Variants in R3HDM2 observed in about 807,000 individuals in gnomAD.
R3HDM2 encodes the protein R3H domain containing 2.
R3HDM2 carries 38 observed loss-of-function variants against 124.5 expected under a neutral mutation model. The observed-to-expected ratio is 0.31, with a 90% CI of 0.24 to 0.40. R3HDM2 has a LOEUF of 0.40. Ranked by LOEUF, R3HDM2 falls within the 10% of genes least tolerant of loss-of-function variation. The probability of loss-of-function intolerance (pLI) is 1.00; values close to 1 mark genes in which losing one functional copy is unlikely to be tolerated. For synonymous variants in R3HDM2, 391 were observed against 448.0 expected (o/e 0.87, Z 1.61); for missense variants, 869 against 1,236.9 (o/e 0.70, Z 4.46).
intron 15 of R3HDM2, 84 bp from the exon 16 acceptor site, chr12:57,269,533 G>T (rs1325922323): frequency 6.5e-7 from 1 of 1,541,684 alleles, no homozygotes; most frequent in Non-Finnish European, 8.8e-7. Context: ...CCTCAAGATT[G>T]ATGGCCAGAA....
intron 2 of R3HDM2, among the ~76,000 whole-genome samples, chr12:57,381,468 C>A (rs1221905481): frequency 6.7e-6 from 1 of 149,292 alleles, no homozygotes; most frequent in Non-Finnish European, 1.5e-5. Flanking sequence ...TCTCTTGAAT[C>A]CAGGAGGCGG....
At chr12:57,389,204 C>T (rs1211980567) in intron 2 of R3HDM2, among the ~76,000 whole-genome samples, 4 of 152,180 alleles carry the variant, frequency 2.6e-5, no homozygotes, top group East Asian at 3.8e-4. Context: ...AAGAGACATT[C>T]GTTCATGCAG....
intron 8 of R3HDM2, 85 bp downstream of exon 8, chr12:57,297,243 G>C: frequency 1.4e-6 from 1 of 715,390 alleles, no homozygotes; most frequent in Non-Finnish European, 2.4e-6. Flanking sequence ...CACACTTCAA[G>C]GGGAACATCT....
rs550732747 is a variant in R3HDM2, at chr12:57,264,241, C to CAA, written c.2131+2488_2131+2489dup. The stretch of plus-strand genomic sequence containing the variant: ...TGGGCGACAGAGAGAGACTCTGTCT[C>CAA]AAAAAAAAAAAAAAAGACTTCCTTC... On this transcript the variant is annotated intron_variant, in intron 19 of 23. Coordinates refer to ENST00000402412, the MANE Select transcript of R3HDM2 (RefSeq NM_001394031.1). Among the ~76,000 whole-genome samples the CAA allele has an allele frequency of 3.1e-3, 334 of 107,670 alleles. 4 individuals carry two copies. Among genetic ancestry groups the CAA allele is most frequent in the African/African-American group, 7.1e-3 (193 of 27,070 alleles). The allele number at this position is 107,670 out of a possible 152,430, so 70.6% of individuals were successfully genotyped here.
intron 2 of R3HDM2, among the ~76,000 whole-genome samples, chr12:57,353,849 G>GT (rs372758356): frequency 3.7e-4 from 56 of 151,854 alleles, no homozygotes; most frequent in South Asian, 2.1e-4. Context: ...GTAAAAATAT[G>GT]TTTTTTTTAT....
intron 1 of R3HDM2, among the ~76,000 whole-genome samples, chr12:57,418,560 T>A (rs151046230): frequency 0.012 from 1,819 of 151,884 alleles, 34 homozygotes; most frequent in African/African-American, 0.041. Flanking sequence ...GACTTTGATA[T>A]CTTCTTTTTT....
chr12:57,427,602 G>A (rs1868271902), intron 1 of R3HDM2, among the ~76,000 whole-genome samples: 1 of 151,768 alleles, frequency 6.6e-6, no homozygotes, highest in African/African-American at 2.4e-5. Context: ...CCCCGTCCTT[G>A]GCCTCCCAAA....
intron 2 of R3HDM2, 59 bp downstream of exon 2, chr12:57,395,690 G>T: frequency 1.5e-6 from 1 of 679,574 alleles, no homozygotes; most frequent in Non-Finnish European, 1.8e-6. Context: ...GAGAACAGAT[G>T]TATAACAATT....
At chr12:57,281,054 G>A (rs566481909) in intron 13 of R3HDM2, among the ~76,000 whole-genome samples, 4 of 152,168 alleles carry the variant, frequency 2.6e-5, no homozygotes, top group East Asian at 3.9e-4. Flanking sequence ...AGGCTGAGGC[G>A]GGTGGATCAC....
chr12:57,300,151 G>T lies in R3HDM2; in HGVS notation c.238C>A (p.Leu80Met). 1 of 1,551,526 alleles carries T rather than the reference G, an allele frequency of 6.4e-7. No homozygotes were observed. Among genetic ancestry groups the T allele is most frequent in the Non-Finnish European group, 8.7e-7 (1 of 1,146,916 alleles). ...SNSKLKLVRS[L>M]AVCEESSTPF... The stretch of plus-strand genomic sequence containing the variant: ...GTGGAGGACTCCTCACACACTGCCA[G>T]GCTACGCACCAACTTTAGCTTGGAA... Residue 80 changes from leucine to methionine, a missense_variant, in exon 5 of 24, where the codon CTG becomes ATG. Leu to Met is a conservative substitution (Grantham distance 15). Around this residue, in one of 2 missense-constraint regions of R3HDM2, gnomAD observed 267 missense variants for 447.7 expected, o/e 0.60. Coordinates refer to ENST00000402412, the MANE Select transcript of R3HDM2 (RefSeq NM_001394031.1).
intron 4 of R3HDM2, among the ~76,000 whole-genome samples, chr12:57,302,196 A>G (rs937201292): frequency 1.3e-5 from 2 of 151,684 alleles, no homozygotes; most frequent in Admixed American, 1.3e-4. Context: ...CATGAGAATC[A>G]CTTGAACACG....
intron 2 of R3HDM2, among the ~76,000 whole-genome samples, chr12:57,370,231 G>A (rs1482255814): frequency 6.6e-6 from 1 of 152,104 alleles, no homozygotes; most frequent in Non-Finnish European, 1.5e-5. Context: ...ATAAGCGTCT[G>A]GAATTTCCCC....
chr12:57,259,744 C>A (rs1285803406), intron 19 of R3HDM2, among the ~76,000 whole-genome samples: 1 of 152,134 alleles, frequency 6.6e-6, no homozygotes, highest in African/African-American at 2.4e-5. Context: ...ATGTTGGGCA[C>A]TGAGTGTACA....
chr12:57,360,043 ATATATTTT>A (rs1566328669), intron 2 of R3HDM2, among the ~76,000 whole-genome samples: 2 of 80,504 alleles, frequency 2.5e-5, no homozygotes, highest in East Asian at 3.0e-4. Context: ...ATATATATAT[ATATATTTT>A]TTTTTTTTTT....
chr12:57,261,768 A>AC (rs1306258767), intron 19 of R3HDM2, among the ~76,000 whole-genome samples: 4 of 151,416 alleles, frequency 2.6e-5, no homozygotes, highest in Non-Finnish European at 5.9e-5. Flanking sequence ...AAAAAAAAAA[A>AC]AAAAAAAAAA....
At chr12:57,365,992 G>A (rs527741832) in intron 2 of R3HDM2, among the ~76,000 whole-genome samples, 43 of 151,276 alleles carry the variant, frequency 2.8e-4, no homozygotes, top group Non-Finnish European at 5.3e-4. Context: ...GAGTTTTCCA[G>A]ATCTGTGGGA....
chr12:57,260,431 T>C (rs568278255), intron 19 of R3HDM2, among the ~76,000 whole-genome samples: 2 of 151,910 alleles, frequency 1.3e-5, no homozygotes, highest in South Asian at 2.1e-4. Flanking sequence ...CAACCATGGA[T>C]AGACTCATCC....
chr12:57,430,682 C>T (rs989211433), intron 1 of R3HDM2, 38 bp downstream of exon 1: 2 of 722,944 alleles, frequency 2.8e-6, no homozygotes, highest in African/African-American at 3.9e-5. Context: ...CACAGGCCGT[C>T]CGGGCCGCCC....
At chr12:57,272,326 A>G in intron 14 of R3HDM2, 1 of 791,816 alleles carries the variant, frequency 1.3e-6, no homozygotes, top group Non-Finnish European at 2.2e-6. Flanking sequence ...TCCCTCAAGA[A>G]GAAATAGCTT....
Sources: gnomAD v4.1 joint callset for allele counts (sites outside exome capture counted in the v4.1 genomes callset) on GRCh38, gnomAD v4.1.1 for gene constraint, gnomAD v4.1.1 regional missense constraint, MANE v1.5 for transcripts, NCBI Gene and HGNC (gene_info 2026-07-23, HGNC 2026-07-21) for gene names.